The following EDA variants were observed in gnomAD, a reference collection of about 807,000 sequenced individuals.
The protein encoded by EDA is ectodysplasin A.
In EDA, 2 loss-of-function variants were observed where a neutral mutation model predicts 23.6. The ratio of observed to expected loss-of-function variants is 0.08; its 90% confidence interval spans 0.03 to 0.27. The LOEUF (loss-of-function observed/expected upper bound fraction) is 0.27, where lower values mean the gene tolerates loss of function less well. Among genes scored for constraint, EDA ranks in the 10% least tolerant of loss-of-function variants. The pLI, the probability that EDA is intolerant of heterozygous loss-of-function variation, is 1.00. For synonymous variants in EDA, 131 were observed against 132.0 expected, an observed-to-expected ratio of 0.99 and a Z score of 0.05; for missense variants, 229 against 324.2, an observed-to-expected ratio of 0.71 and a Z score of 2.26.
At chrX:69,730,305 A>G (rs2012973547) in intron 1 of EDA, among the ~76,000 whole-genome samples, 1 of 112,114 alleles carries the variant, frequency 8.9e-6, no homozygotes, top group African/African-American at 3.2e-5. Flanking sequence ...TGAATTAATC[A>G]GGGAATCCAT....
chrX:69,866,938 G>A (rs1319065107), intron 1 of EDA, among the ~76,000 whole-genome samples: 3 of 112,326 alleles, frequency 2.7e-5, no homozygotes, highest in Non-Finnish European at 5.6e-5. Flanking sequence ...CTTGGCAGAA[G>A]CATTGTGTGG....
intron 1 of EDA, among the ~76,000 whole-genome samples, chrX:69,902,273 CA>C (rs1445456869): frequency 9.0e-6 from 1 of 111,635 alleles, no homozygotes; most frequent in African/African-American, 3.3e-5. Flanking sequence ...ATGGTCTGGC[CA>C]AACTAATTTT....
chrX:69,901,044 T>C (rs2018091252), intron 1 of EDA, among the ~76,000 whole-genome samples: 1 of 111,539 alleles, frequency 9.0e-6, no homozygotes, highest in Non-Finnish European at 1.9e-5. Flanking sequence ...GAATGATATT[T>C]ACTTAGTAGT....
At chrX:69,702,564 A>G (rs2011564471) in intron 1 of EDA, among the ~76,000 whole-genome samples, 1 of 110,095 alleles carries the variant, frequency 9.1e-6, no homozygotes, top group African/African-American at 3.3e-5. Flanking sequence ...GACTGAGAAG[A>G]TAAAGAGGAG....
At chrX:69,697,594 A>G (rs1402168220) in intron 1 of EDA, among the ~76,000 whole-genome samples, 2 of 111,764 alleles carry the variant, frequency 1.8e-5, no homozygotes, top group African/African-American at 6.5e-5. Context: ...CAGGAACATC[A>G]TCTGGATTGT....
intron 1 of EDA, among the ~76,000 whole-genome samples, chrX:69,741,643 G>C (rs2013464218): frequency 8.9e-6 from 1 of 111,952 alleles, no homozygotes; most frequent in Non-Finnish European, 1.9e-5. Flanking sequence ...GGCATAAATT[G>C]CTCAATCTGA....
intron 1 of EDA, among the ~76,000 whole-genome samples, chrX:69,880,416 A>G (rs996597623): frequency 2.7e-5 from 3 of 112,214 alleles, no homozygotes. Flanking sequence ...AAAAAATTCA[A>G]AACATCTATT....
intron 1 of EDA, among the ~76,000 whole-genome samples, chrX:69,640,376 G>C (rs1435714362): frequency 1.8e-5 from 2 of 111,890 alleles, no homozygotes; most frequent in African/African-American, 6.5e-5. Flanking sequence ...GGCACATAGT[G>C]GGTGAGAAAT....
At chrX:69,951,124 G>C (rs777266685) in intron 1 of EDA, among the ~76,000 whole-genome samples, 5 of 108,359 alleles carry the variant, frequency 4.6e-5, no homozygotes, top group South Asian at 4.1e-4. Flanking sequence ...AAAAAGATAT[G>C]AAAGTCTCTT....
intron 1 of EDA, among the ~76,000 whole-genome samples, chrX:69,723,788 A>C (rs768614249): frequency 9.0e-6 from 1 of 111,708 alleles, no homozygotes; most frequent in South Asian, 3.7e-4. Context: ...ACTTCTGGGC[A>C]GTATTATGTA....
intron 1 of EDA, among the ~76,000 whole-genome samples, chrX:69,798,996 A>G (rs2147483738): frequency 9.0e-6 from 1 of 111,597 alleles, no homozygotes; most frequent in Non-Finnish European, 1.9e-5. Flanking sequence ...TGGCATTAAA[A>G]CAGACACATA....
At chrX:69,959,740 T>C (rs781144451) in intron 2 of EDA, among the ~76,000 whole-genome samples, 4 of 111,141 alleles carry the variant, frequency 3.6e-5, no homozygotes, top group Admixed American at 1.9e-4. Flanking sequence ...AAGAAAAATA[T>C]AGCTGAGCAA....
At chrX:69,838,420 G>C (rs745885911) in intron 1 of EDA, among the ~76,000 whole-genome samples, 52 of 112,368 alleles carry the variant, frequency 4.6e-4, no homozygotes, top group African/African-American at 1.5e-3. Context: ...GAGGTCAAGA[G>C]ATCAAGACCA....
At chrX:69,751,577 C>G (rs2013868551) in intron 1 of EDA, among the ~76,000 whole-genome samples, 1 of 111,921 alleles carries the variant, frequency 8.9e-6, no homozygotes, top group African/African-American at 3.3e-5. Flanking sequence ...TCATTGGTAG[C>G]TTGATGGGGA....
chrX:69,677,385 A>C (rs1432117288), intron 1 of EDA, among the ~76,000 whole-genome samples: 1 of 111,205 alleles, frequency 9.0e-6, no homozygotes, highest in African/African-American at 3.3e-5. Context: ...CTAGTTCTAG[A>C]TCCCTGAGGA....
At chrX:69,715,069 T>C (rs1196301193) in intron 1 of EDA, among the ~76,000 whole-genome samples, 2 of 87,200 alleles carry the variant, frequency 2.3e-5, no homozygotes, top group Non-Finnish European at 5.2e-5. Flanking sequence ...AACCCATTTT[T>C]TTTTTTTTTT....
Position 69,839,731 on chromosome X carries a change from CA to C in EDA, c.397-117294del, listed in dbSNP as rs2016855690. Among the ~76,000 whole-genome samples the C allele has an allele frequency of 2.7e-5, 3 of 111,571 alleles. No individual in the cohort carries two copies. In the South Asian group the frequency reaches 1.1e-3, roughly 42 times the overall value. On this transcript the variant is annotated intron_variant, in intron 1 of 7. Transcript: ENST00000374552. ...GAGGGTAAGGTTGGGGAGAGGAAGC[CA>C]ACTCTGGCATCGAAAAGATGTGATC... is the stretch of plus-strand genomic sequence containing the variant.
intron 1 of EDA, among the ~76,000 whole-genome samples, chrX:69,644,617 C>A (rs1932883386): frequency 9.0e-6 from 1 of 110,779 alleles, no homozygotes; most frequent in Admixed American, 9.7e-5. Context: ...CCTTCTCTTG[C>A]CTGATTGCCC....
intron 1 of EDA, chrX:69,749,868 T>A (rs999513777): frequency 1.9e-5 from 2 of 107,694 alleles, no homozygotes; most frequent in Non-Finnish European, 3.8e-5. Flanking sequence ...AAGTTCATTA[T>A]GAATCCCAAT....
Sources: gnomAD v4.1 joint callset for allele counts (sites outside exome capture counted in the v4.1 genomes callset) on GRCh38, gnomAD v4.1.1 for gene constraint, MANE v1.5 for transcripts, NCBI Gene and HGNC (gene_info 2026-07-23, HGNC 2026-07-21) for gene names.